The following PACRGL variants were observed in gnomAD, a reference collection of about 807,000 sequenced individuals.
The protein encoded by PACRGL is parkin coregulated like.
Under a neutral mutation model 34.5 loss-of-function variants are expected in PACRGL, and 38 were observed. That is an observed-to-expected ratio of 1.10 (90% CI 0.85 to 1.44). The LOEUF (loss-of-function observed/expected upper bound fraction) is 1.44. Among genes scored for constraint, PACRGL ranks in the 40% most tolerant of loss-of-function variants. The pLI, the probability that PACRGL is intolerant of heterozygous loss-of-function variation, is 0.00. For synonymous variants in PACRGL, 128 were observed against 100.1 expected (o/e 1.28, Z -1.66); for missense variants, 305 against 281.4 (o/e 1.08, Z -0.60).
chr4:20,718,825 T>G (rs1197622732), intron 7 of PACRGL: 1 of 152,290 alleles, frequency 6.6e-6, no homozygotes, highest in African/African-American at 2.4e-5. Flanking sequence ...GGTTTTGGTA[T>G]CAGCATGATG....
intron 7 of PACRGL, among the ~76,000 whole-genome samples, chr4:20,720,680 C>T (rs377610352): frequency 9.2e-5 from 14 of 152,310 alleles, no homozygotes; most frequent in African/African-American, 3.4e-4. Flanking sequence ...TGTAGAGTGT[C>T]TGCCACGAGT....
the PACRGL span, among the ~76,000 whole-genome samples, chr4:20,759,183 A>C: frequency 6.6e-6 from 1 of 152,314 alleles, no homozygotes; most frequent in African/African-American, 2.4e-5. Context: ...ATAAAGTAAA[A>C]GGAAATTGCA....
intron 6 of PACRGL, 98 bp downstream of exon 6, chr4:20,713,020 T>A: frequency 8.1e-7 from 1 of 1,232,108 alleles, no homozygotes; most frequent in Non-Finnish European, 1.1e-6. Context: ...CCCTCCATAT[T>A]ATATGCAAAG....
intron 8 of PACRGL, chr4:20,749,794 A>ACTGC: frequency 3.6e-6 from 4 of 1,109,134 alleles, no homozygotes; most frequent in African/African-American, 1.5e-5. Context: ...TAAGACTTGG[A>ACTGC]TAGCAGTCCA....
chr4:20,715,573 T>C (rs1164459533), intron 7 of PACRGL, among the ~76,000 whole-genome samples: 3 of 151,952 alleles, frequency 2.0e-5, no homozygotes, highest in Non-Finnish European at 4.4e-5. Flanking sequence ...AGGGTTATAA[T>C]AAAAAGTAAA....
At chr4:20,699,997 T>C (rs965035403), upstream of PACRGL, among the ~76,000 whole-genome samples, 25 of 152,106 alleles carry the variant, frequency 1.6e-4, no homozygotes, top group Admixed American at 1.1e-3. Context: ...TTTAGCCAGA[T>C]AGAACAGGAA....
Position 20,731,930 on chromosome 4 carries a change from A to G in PACRGL, c.*4589A>G, listed in dbSNP as rs993675132. 7 of 1,590,262 alleles carry G rather than the reference A, an allele frequency of 4.4e-6. No homozygotes were observed. Among genetic ancestry groups the G allele is most frequent in the East Asian group, 4.5e-5 (2 of 44,452 alleles). On this transcript the variant is annotated 3_prime_UTR_variant, in exon 9 of 9. Coordinates refer to ENST00000503585, the MANE Select transcript of PACRGL (RefSeq NM_001258345.3). ...ATGATCTCTATATTTCGCCCAGTTCATGGTAGCTAGCTGCTAATACTCAGT... is the reference window on the plus strand; with the variant it reads ...ATGATCTCTATATTTCGCCCAGTTCGTGGTAGCTAGCTGCTAATACTCAGT...
At chr4:20,734,351 A>G (rs1749074040), downstream of PACRGL, among the ~76,000 whole-genome samples, 3 of 152,262 alleles carry the variant, frequency 2.0e-5, no homozygotes, top group Admixed American at 6.5e-5. Context: ...TTTTCTTTCT[A>G]TCTGATTCCA....
rs61577596 is a variant in PACRGL, at chr4:20,724,481, G to A, written c.610-327G>A. ...TCTTCCCTTTTTATTGCAGGAAAAT[G>A]TGTGTTTTAGAGGCACAGCTTTCCA... On this transcript the variant is annotated intron_variant, in intron 7 of 8. Transcript: ENST00000503585. Among the ~76,000 whole-genome samples, 213 of 152,236 alleles carry A rather than the reference G, an allele frequency of 1.4e-3. 1 individual carries two copies. The highest frequency in any genetic ancestry group is 5.0e-3 in the African/African-American group (207 of 41,528).
chr4:20,730,172 C>T lies in PACRGL; in HGVS notation c.*2831C>T, dbSNP rs2149248738. ...AGAGCGATTAAATTCAGCATATCTG[C>T]AAGGAAAAGTACACTATTTTGCCCC... On this transcript the variant is annotated 3_prime_UTR_variant, in exon 9 of 9. Coordinates refer to ENST00000503585, the MANE Select transcript of PACRGL (RefSeq NM_001258345.3). 1.3e-6 allele frequency: 2 copies of T among 1,577,554 alleles called. No individual in the cohort carries two copies. Among genetic ancestry groups the T allele is most frequent in the Admixed American group, 1.9e-5 (1 of 53,984 alleles).
intron 5 of PACRGL, 30 bp from the exon 6 acceptor site, chr4:20,712,758 T>A: frequency 7.0e-7 from 1 of 1,425,710 alleles, no homozygotes; most frequent in South Asian, 1.7e-5. Flanking sequence ...AAATGGGTAG[T>A]AAATCATGTT....
chr4:20,733,480 T>TTGA (rs566873138), downstream of PACRGL, among the ~76,000 whole-genome samples: 353 of 152,294 alleles, frequency 2.3e-3, 8 homozygotes, highest in South Asian at 0.046. Context: ...CTCAATTAGG[T>TTGA]TAATACAGAG....
intron 8 of PACRGL, among the ~76,000 whole-genome samples, chr4:20,740,957 G>A (rs1750927369): frequency 6.6e-6 from 1 of 152,088 alleles, no homozygotes; most frequent in Non-Finnish European, 1.5e-5. Flanking sequence ...AACCAACAAA[G>A]ATCAAAACAG....
At position 20,713,130 on chromosome 4, in the gene PACRGL, A is replaced by G. The variant is rs143159419; in HGVS notation, c.501+208A>G. 1.1e-3 allele frequency: 621 copies of G among 565,790 alleles called. 3 individuals are homozygous for G. In the African/African-American group the frequency reaches 0.011, roughly 10 times the overall value. The allele number at this position is 565,790 out of a possible 1,614,324, so 35.0% of individuals were successfully genotyped here. Reference sequence around the variant, plus strand: ...TGAAGACATCTTTAGAGGATGTACTAAAGGTAAAAAGGGACATTTTAAGTA... The same window carrying G: ...TGAAGACATCTTTAGAGGATGTACTGAAGGTAAAAAGGGACATTTTAAGTA... On this transcript the variant is annotated intron_variant, in intron 6 of 8. Coordinates refer to ENST00000503585, the MANE Select transcript of PACRGL (RefSeq NM_001258345.3).
chr4:20,716,300 G>T, intron 7 of PACRGL: 7 of 578,022 alleles, frequency 1.2e-5, no homozygotes, highest in South Asian at 4.4e-5. Flanking sequence ...GGAGTTTTCA[G>T]TTTTCTTCTC....
At chr4:20,712,205 A>AT (rs1737601986) in intron 5 of PACRGL, among the ~76,000 whole-genome samples, 1 of 135,284 alleles carries the variant, frequency 7.4e-6, no homozygotes, top group Non-Finnish European at 1.6e-5. Flanking sequence ...TTCTTCTTAT[A>AT]TTTTTTCTTG....
At chr4:20,756,173 A>G (rs1030429033), downstream of PACRGL, among the ~76,000 whole-genome samples, 8 of 104,684 alleles carry the variant, frequency 7.6e-5, no homozygotes, top group African/African-American at 2.9e-4. Flanking sequence ...GGAAAGTAGT[A>G]AAAAAAAAAA....
intron 5 of PACRGL, among the ~76,000 whole-genome samples, chr4:20,711,943 T>C (rs1322917258): frequency 2.0e-5 from 3 of 152,146 alleles, no homozygotes; most frequent in Non-Finnish European, 4.4e-5. Flanking sequence ...TACTTAAATA[T>C]GAAGGAAATT....
chr4:20,738,921 C>T (rs556529225), intron 8 of PACRGL, among the ~76,000 whole-genome samples: 33 of 152,292 alleles, frequency 2.2e-4, no homozygotes, highest in Middle Eastern at 3.4e-3. Flanking sequence ...TCTTAGCAAA[C>T]GGCACACCAG....
Sources: allele counts gnomAD v4.1 joint callset (sites outside exome capture counted in the v4.1 genomes callset), GRCh38; gene constraint gnomAD v4.1.1; transcripts MANE v1.5; gene names NCBI Gene and HGNC (gene_info 2026-07-23, HGNC 2026-07-21).